HPCAL1: variants seen among roughly 807,000 people sequenced by gnomAD.
HPCAL1 encodes hippocalcin like 1, also known as hippocalcin-like protein 1.
Under a neutral mutation model 17.1 loss-of-function variants are expected in HPCAL1, and 8 were observed. That is an observed-to-expected ratio of 0.47 (90% CI 0.27 to 0.84). The LOEUF (loss-of-function observed/expected upper bound fraction) is 0.84. HPCAL1 is among the 40% of genes least tolerant of loss of function. The probability of loss-of-function intolerance (pLI) is 0.13; values close to 1 mark genes in which losing one functional copy is unlikely to be tolerated. For missense variants in HPCAL1, 165 were observed against 271.1 expected, an observed-to-expected ratio of 0.61 and a Z score of 2.75; for synonymous variants, 112 against 111.4, an observed-to-expected ratio of 1.01 and a Z score of -0.03.
At chr2:10,383,402 G>A (rs1458229914) in intron 1 of HPCAL1, among the ~76,000 whole-genome samples, 5 of 151,752 alleles carry the variant, frequency 3.3e-5, no homozygotes, top group Admixed American at 3.3e-4. Context: ...TTGCTCTGTT[G>A]CCCAGGCTGG....
At chr2:10,358,451 T>G (rs2125481273) in intron 1 of HPCAL1, among the ~76,000 whole-genome samples, 1 of 152,250 alleles carries the variant, frequency 6.6e-6, no homozygotes, top group East Asian at 1.9e-4. Flanking sequence ...GGACAGACAC[T>G]CCTGCCTTTA....
intron 1 of HPCAL1, among the ~76,000 whole-genome samples, chr2:10,369,681 A>G: frequency 6.6e-6 from 1 of 152,320 alleles, no homozygotes; most frequent in East Asian, 1.9e-4. Flanking sequence ...GGGATCCCTG[A>G]GGCCTTCTTG....
intron 1 of HPCAL1, among the ~76,000 whole-genome samples, chr2:10,351,617 G>A (rs879598456): frequency 1.1e-4 from 16 of 152,006 alleles, no homozygotes; most frequent in African/African-American, 3.1e-4. Flanking sequence ...AAATTAGCCA[G>A]GTGTGGTGGT....
intron 1 of HPCAL1, among the ~76,000 whole-genome samples, chr2:10,319,599 G>A (rs1195930011): frequency 1.3e-5 from 2 of 149,326 alleles, no homozygotes; most frequent in African/African-American, 5.0e-5. Flanking sequence ...GGGGTGGGGT[G>A]GGCAGACTAA....
In HPCAL1 at chr2:10,426,968, G is replaced by A; in HGVS notation, c.*147G>A. 1 of 674,012 alleles carries A rather than the reference G, an allele frequency of 1.5e-6. No individual in the cohort carries two copies. Among genetic ancestry groups the A allele is most frequent in the South Asian group, 1.7e-5 (1 of 57,910 alleles). 41.8% of individuals were successfully genotyped at this position (674,012 alleles called of 1,614,324 possible). A position where few individuals can be genotyped will look rare whatever the true frequency, so the allele number is the denominator to read the frequency against. On this transcript the variant is annotated 3_prime_UTR_variant, in exon 5 of 5. Coordinates refer to ENST00000307845, the MANE Select transcript of HPCAL1 (RefSeq NM_002149.4). ...GTTGCACCTGCCCAGCCCGGTGGCT[G>A]CGCCTCCCTCCTCCACCTGACCAAC...
intron 1 of HPCAL1, among the ~76,000 whole-genome samples, chr2:10,309,926 G>A (rs768216650): frequency 5.3e-5 from 8 of 152,134 alleles, no homozygotes; most frequent in Non-Finnish European, 1.0e-4. Flanking sequence ...CAGAAACCAT[G>A]AAAGAAATCA....
chr2:10,374,993 C>T (rs551131741), intron 1 of HPCAL1, among the ~76,000 whole-genome samples: 7 of 152,258 alleles, frequency 4.6e-5, no homozygotes, highest in Non-Finnish European at 7.4e-5. Flanking sequence ...TTGGGCCAGC[C>T]GCAGAGGAGT....
At position 10,371,770 on chromosome 2, in the gene HPCAL1, T is replaced by G. The variant is rs370755092; in HGVS notation, c.-110-25065T>G. 5.7e-4 allele frequency among the ~76,000 whole-genome samples: 87 copies of G among 152,232 alleles called. No homozygotes were observed. In the South Asian group the frequency reaches 0.018, roughly 31 times the overall value. ...TGCCCGGAAAGGTCCCTGGGCCTGG[T>G]GTGCTCCAAGAACCTCGCTGTCAGG... On this transcript the variant is annotated intron_variant, in intron 1 of 4. Transcript: ENST00000307845.
At chr2:10,392,209 G>C (rs1213582837) in intron 1 of HPCAL1, among the ~76,000 whole-genome samples, 1 of 151,216 alleles carries the variant, frequency 6.6e-6, no homozygotes, top group Non-Finnish European at 1.5e-5. Flanking sequence ...TGCCTAGCTT[G>C]TTTATTTATT....
chr2:10,369,775 C>T (rs919233799), intron 1 of HPCAL1, among the ~76,000 whole-genome samples: 3 of 152,228 alleles, frequency 2.0e-5, no homozygotes, highest in East Asian at 3.9e-4. Flanking sequence ...ATGAATATGC[C>T]GTGTTCGGAT....
chr2:10,424,476 A>C (rs889681960), intron 4 of HPCAL1: 2 of 470,396 alleles, frequency 4.3e-6, no homozygotes, highest in Non-Finnish European at 8.8e-6. Context: ...TAAAGCTTTT[A>C]GCAGGGCTTG....
At chr2:10,360,827 T>C (rs1173025432) in intron 1 of HPCAL1, among the ~76,000 whole-genome samples, 2 of 151,920 alleles carry the variant, frequency 1.3e-5, no homozygotes, top group African/African-American at 4.8e-5. Context: ...TGGGACTCTC[T>C]TCTCCTCTCT....
At chr2:10,340,852 C>T (rs142115777) in intron 1 of HPCAL1, among the ~76,000 whole-genome samples, 1,811 of 152,294 alleles carry the variant, frequency 0.012, 22 homozygotes, top group Middle Eastern at 0.02. Context: ...TGTTACTGCC[C>T]TCCGGGTAAG....
intron 1 of HPCAL1, among the ~76,000 whole-genome samples, chr2:10,306,489 G>C (rs1385852131): frequency 1.3e-5 from 2 of 152,172 alleles, no homozygotes; most frequent in Non-Finnish European, 2.9e-5. Flanking sequence ...TGAATGTCAG[G>C]TAGCTCTTGT....
chr2:10,318,459 C>T (rs1014820426), intron 1 of HPCAL1, among the ~76,000 whole-genome samples: 1 of 152,186 alleles, frequency 6.6e-6, no homozygotes, highest in Non-Finnish European at 1.5e-5. Context: ...CTGTTTTGCC[C>T]ATGCTTGTTA....
chr2:10,350,314 A>G (rs1383996959), intron 1 of HPCAL1, among the ~76,000 whole-genome samples: 3 of 133,312 alleles, frequency 2.3e-5, no homozygotes, highest in East Asian at 2.3e-4. Flanking sequence ...TTAAAAATCT[A>G]TGTCCTTTTT....
chr2:10,390,468 A>C (rs1376221930), intron 1 of HPCAL1, among the ~76,000 whole-genome samples: 1 of 152,152 alleles, frequency 6.6e-6, no homozygotes, highest in African/African-American at 2.4e-5. Context: ...CACCTCCAAA[A>C]TAGTCATAAT....
At chr2:10,356,724 T>C (rs1370620408) in intron 1 of HPCAL1, among the ~76,000 whole-genome samples, 2 of 152,086 alleles carry the variant, frequency 1.3e-5, no homozygotes, top group Non-Finnish European at 2.9e-5. Flanking sequence ...GGTGCTGAGA[T>C]GCTCTCACCT....
chr2:10,411,540 C>T (rs1670353236), intron 2 of HPCAL1, among the ~76,000 whole-genome samples: 1 of 152,204 alleles, frequency 6.6e-6, no homozygotes, highest in Admixed American at 6.5e-5. Flanking sequence ...GGCAAGCCGC[C>T]GAGTGCCCCG....
Sources: gnomAD v4.1 joint callset for allele counts (sites outside exome capture counted in the v4.1 genomes callset) on GRCh38, gnomAD v4.1.1 for gene constraint, MANE v1.5 for transcripts, NCBI Gene and HGNC (gene_info 2026-07-23, HGNC 2026-07-21) for gene names.